Variants in CPLANE1 observed in about 807,000 individuals in gnomAD.
The protein encoded by CPLANE1 is ciliogenesis and planar polarity effector 1.
Under a neutral mutation model 362.5 loss-of-function variants are expected in CPLANE1, and 263 were observed. The observed-to-expected ratio is 0.73, with a 90% CI of 0.66 to 0.80. The LOEUF (loss-of-function observed/expected upper bound fraction) is 0.80, where lower values mean the gene tolerates loss of function less well. Ranked by LOEUF, CPLANE1 falls within the 30% of genes least tolerant of loss-of-function variation. The pLI, the probability that CPLANE1 is intolerant of heterozygous loss-of-function variation, is 0.00. For synonymous variants in CPLANE1, 1,212 were observed against 1,302.6 expected, an observed-to-expected ratio of 0.93 and a Z score of 1.50; for missense variants, 3,461 against 3,793.4, an observed-to-expected ratio of 0.91 and a Z score of 2.30.
At position 37,227,802 on chromosome 5, in the gene CPLANE1, C is replaced by T. The variant is rs1428776294; in HGVS notation, c.1137G>A (p.Thr379=). 5.8e-6 allele frequency: 9 copies of T among 1,550,330 alleles called. No homozygotes were observed. Among genetic ancestry groups the T allele is most frequent in the East Asian group, 2.4e-5 (1 of 40,822 alleles). ...PLITYRPQQF[T]FQDSNNSVDS... The stretch of plus-strand genomic sequence containing the variant: ...CAACAGAATTATTTGAATCTTGAAA[C>T]GTAAACTGCTGTGGTCTAGTAAACA... The change falls in exon 10 of 53, where the codon ACG becomes ACA. Residue 379 remains threonine, a synonymous_variant. Transcript: ENST00000651892.
chr5:37,219,269 C>T (rs1289020147), intron 15 of CPLANE1, among the ~76,000 whole-genome samples: 2 of 152,228 alleles, frequency 1.3e-5, no homozygotes, highest in Admixed American at 6.5e-5. Flanking sequence ...GTGGCTCACG[C>T]CTGTAATCCC....
intron 19 of CPLANE1, among the ~76,000 whole-genome samples, chr5:37,200,346 G>A (rs142125194): frequency 3.3e-5 from 5 of 152,190 alleles, no homozygotes; most frequent in Admixed American, 6.5e-5. Context: ...CAAACTACTC[G>A]AACTATTATC....
intron 42 of CPLANE1, among the ~76,000 whole-genome samples, chr5:37,152,165 T>C (rs1195594388): frequency 1.3e-5 from 2 of 152,172 alleles, no homozygotes; most frequent in Non-Finnish European, 2.9e-5. Flanking sequence ...AATATTAGAC[T>C]TTAAGACATT....
chr5:37,140,408 G>C, intron 44 of CPLANE1: 1 of 984,570 alleles, frequency 1.0e-6, no homozygotes, highest in Non-Finnish European at 1.2e-6. Context: ...TCAGAATCTG[G>C]GCATTTGTGG....
intron 33 of CPLANE1, 120 bp from the exon 34 acceptor site, chr5:37,169,681 A>C: frequency 1.3e-6 from 1 of 773,422 alleles, no homozygotes; most frequent in Non-Finnish European, 2.0e-6. Context: ...AAAAAAAATT[A>C]TTTATTCAAT....
At chr5:37,125,638 C>A (rs564353295) in intron 46 of CPLANE1, among the ~76,000 whole-genome samples, 1 of 152,258 alleles carries the variant, frequency 6.6e-6, no homozygotes, top group African/African-American at 2.4e-5. Context: ...TCGATTTTCC[C>A]TTCTTCTTTA....
chr5:37,158,306 T>A lies in CPLANE1; in HGVS notation c.7730A>T (p.Asp2577Val), dbSNP rs778261277. Residue 2577 changes from aspartate (D) to valine (V), a missense_variant, in exon 39 of 53, where the codon GAT (aspartate) becomes GTT (valine). By Grantham distance (152) the Asp-to-Val change is radical. Transcript: ENST00000651892. ...GGAAAGCTTCAGATTTAGATAGACA[T>A]CTGGGACCAAGAGCTGAGGAGCAGT... ...PLTAPQLLVP[D>V]VYLNLKLSSE... 1 of 1,613,828 alleles carries A rather than the reference T, an allele frequency of 6.2e-7. No homozygotes were observed. Among genetic ancestry groups the A allele is most frequent in the South Asian group, 1.1e-5 (1 of 91,058 alleles).
At chr5:37,159,434 A>T (rs1336024301) in intron 38 of CPLANE1, among the ~76,000 whole-genome samples, 1 of 152,348 alleles carries the variant, frequency 6.6e-6, no homozygotes, top group Non-Finnish European at 1.5e-5. Context: ...TTAAAAGGGT[A>T]TCATTCAGTG....
chr5:37,152,675 C>G (rs1773907992), intron 42 of CPLANE1, among the ~76,000 whole-genome samples: 1 of 151,970 alleles, frequency 6.6e-6, no homozygotes, highest in Non-Finnish European at 1.5e-5. Context: ...TGTTTGAGGC[C>G]AAGAATTCAA....
intron 18 of CPLANE1, among the ~76,000 whole-genome samples, chr5:37,203,242 GTT>G (rs1236310449): frequency 6.6e-6 from 1 of 152,020 alleles, no homozygotes; most frequent in Non-Finnish European, 1.5e-5. Context: ...TGCTCCTATA[GTT>G]TTGTTTTTTA....
At chr5:37,208,025 T>G (rs1418566293) in intron 16 of CPLANE1, among the ~76,000 whole-genome samples, 1 of 152,102 alleles carries the variant, frequency 6.6e-6, no homozygotes, top group African/African-American at 2.4e-5. Flanking sequence ...GTGATCTCAC[T>G]GCAACCTCTG....
At chr5:37,212,494 C>CAA in intron 16 of CPLANE1, 1 of 537,986 alleles carries the variant, frequency 1.9e-6, no homozygotes, top group Non-Finnish European at 3.4e-6. Context: ...AATGTGTAAT[C>CAA]CAAAAAAAAA....
intron 51 of CPLANE1, among the ~76,000 whole-genome samples, chr5:37,114,203 G>A (rs1760209260): frequency 6.6e-6 from 1 of 152,178 alleles, no homozygotes; most frequent in South Asian, 2.1e-4. Context: ...TGGATTTAAT[G>A]TGAGGATCAA....
chr5:37,180,898 C>G lies in CPLANE1; in HGVS notation c.5529G>C (p.Glu1843Asp). 6.2e-7 allele frequency: 1 copy of G among 1,614,052 alleles called. No individual in the cohort carries two copies. The highest frequency in any genetic ancestry group is 8.5e-7 in the Non-Finnish European group (1 of 1,179,972). ...AAGATTTATTCTGACCATTTCTTTC[C>G]TCAGTTCCACCTGGAGTTGCTACTG... ...SVAVATPGGTEERNGQNKSCQ... is the reference protein window; with the variant it reads ...SVAVATPGGTDERNGQNKSCQ... The change falls in exon 27 of 53, where the codon GAG becomes GAC. Residue 1843 changes from glutamate to aspartate, a missense_variant. Physicochemically the swap from Glu to Asp is conservative, Grantham distance 45. Coordinates refer to ENST00000651892, the MANE Select transcript of CPLANE1 (RefSeq NM_001384732.1).
chr5:37,226,814 A>G lies in CPLANE1; in HGVS notation c.1781T>C (p.Met594Thr). 1.3e-6 allele frequency: 2 copies of G among 1,549,930 alleles called. No individual in the cohort carries two copies. Among genetic ancestry groups the G allele is most frequent in the South Asian group, 2.4e-5 (2 of 83,640 alleles). The stretch of plus-strand genomic sequence containing the variant: ...GATACAAACTACTATGTAATTTAAC[A>G]TTAAATTTTTTTCTGTCACAGTTTT... ...ISKTVTEKNL[M>T]LNYIVVCITH... The change falls in exon 12 of 53, where the codon ATG becomes ACG. Residue 594 changes from methionine (M) to threonine (T), a missense_variant. This residue lies in a region of CPLANE1 where 3,380 missense variants were observed against 3,666.1 expected (regional missense o/e 0.92). Transcript: ENST00000651892.
rs1342297170 is a variant in CPLANE1 at position 37,226,637 on chromosome 5, T to C, written c.1958A>G (p.Tyr653Cys). The C allele has an allele frequency of 3.2e-6, 5 of 1,551,362 alleles. No individual in the cohort carries two copies. The highest frequency in any genetic ancestry group is 3.5e-6 in the Non-Finnish European group (4 of 1,146,894). The change falls in exon 12 of 53, where the codon TAC (tyrosine) becomes TGC (cysteine). Residue 653 changes from tyrosine (Y) to cysteine (C), a missense_variant. Physicochemically the swap from Tyr to Cys is radical, Grantham distance 194. Coordinates refer to ENST00000651892, the MANE Select transcript of CPLANE1 (RefSeq NM_001384732.1). Reference sequence around the variant, plus strand: ...TATCAAATGCCCCACATCTTGTTTGTATCTTATATCCCAATAATGGATTGA... The same window carrying C: ...TATCAAATGCCCCACATCTTGTTTGCATCTTATATCCCAATAATGGATTGA... ...CLSIHYWDIR[Y>C]KQDVGHLIKL...
chr5:37,077,898 A>G, the CPLANE1 span, among the ~76,000 whole-genome samples: 1 of 151,870 alleles, frequency 6.6e-6, no homozygotes, highest in Non-Finnish European at 1.5e-5. Flanking sequence ...TTACAGGTGT[A>G]AACCGCCGTG....
At chr5:37,211,689 C>G in intron 16 of CPLANE1, 2 of 784,250 alleles carry the variant, frequency 2.6e-6, no homozygotes, top group Non-Finnish European at 2.4e-6. Context: ...CCCGCCATCA[C>G]CCGCTGAGTC....
Position 37,209,795 on chromosome 5 carries a change from A to G in CPLANE1, c.2921-3370T>C. On this transcript the variant is annotated intron_variant, in intron 16 of 52. Transcript: ENST00000651892. This position sits in a 1 kb window ranked among gnomAD's most constrained non-coding sequence, Gnocchi z 4.6. ...AAAAAGGTTTTCTTATGCATTTTTT[A>G]AAAGGATTGGCAGAATATCATCAAG... The G allele has an allele frequency of 7.6e-7, 1 of 1,321,308 alleles. No homozygotes were observed. Among genetic ancestry groups the G allele is most frequent in the Non-Finnish European group, 1.1e-6 (1 of 915,716 alleles). The allele number at this position is 1,321,308 out of a possible 1,614,324, so 81.8% of individuals were successfully genotyped here.
Sources: allele counts gnomAD v4.1 joint callset (sites outside exome capture counted in the v4.1 genomes callset), GRCh38; gene constraint gnomAD v4.1.1; regional missense constraint gnomAD v4.1.1; non-coding constraint Gnocchi (gnomAD v3.1); transcripts MANE v1.5; gene names NCBI Gene and HGNC (gene_info 2026-07-23, HGNC 2026-07-21).